AKAP19: variants seen among roughly 807,000 people sequenced by gnomAD.
The protein encoded by AKAP19 is A-kinase anchoring protein 19, also known as small A-kinase anchoring protein.
At chr2:190,196,612 A>G in the AKAP19 span, among the ~76,000 whole-genome samples, 1 of 151,810 alleles carries the variant, frequency 6.6e-6, no homozygotes, top group African/African-American at 2.4e-5. Context: ...GGCATTGTGA[A>G]TAATACCTTG....
chr2:190,009,801 T>C, the AKAP19 span, among the ~76,000 whole-genome samples: 1 of 151,922 alleles, frequency 6.6e-6, no homozygotes, highest in South Asian at 2.1e-4. Context: ...AGACCAACTC[T>C]TAGGATACAC....
the AKAP19 span, among the ~76,000 whole-genome samples, chr2:189,909,601 C>T: frequency 6.6e-6 from 1 of 151,974 alleles, no homozygotes; most frequent in Non-Finnish European, 1.5e-5. Flanking sequence ...AAGCTGATAA[C>T]TTTCATTGCA....
At chr2:189,995,908 G>T in the AKAP19 span, among the ~76,000 whole-genome samples, 6 of 152,080 alleles carry the variant, frequency 3.9e-5, no homozygotes, top group Non-Finnish European at 8.8e-5. Context: ...TGTTTGAGAA[G>T]GCTAAGGATA....
the AKAP19 span, among the ~76,000 whole-genome samples, chr2:189,912,584 C>T: frequency 6.6e-6 from 1 of 152,090 alleles, no homozygotes; most frequent in Non-Finnish European, 1.5e-5. Flanking sequence ...GACAAATGGT[C>T]ACATATAGTA....
chr2:189,992,187 A>G, the AKAP19 span, among the ~76,000 whole-genome samples: 1 of 150,922 alleles, frequency 6.6e-6, no homozygotes, highest in African/African-American at 2.4e-5. Context: ...TCCCGAGTAG[A>G]TGGGATTACA....
the AKAP19 span, among the ~76,000 whole-genome samples, chr2:189,958,857 C>T: frequency 7.2e-5 from 11 of 152,084 alleles, no homozygotes; most frequent in East Asian, 2.1e-3. Flanking sequence ...TAAATGAATA[C>T]TTAAAGCATT....
the AKAP19 span, chr2:190,200,428 A>G: frequency 3.4e-6 from 1 of 298,496 alleles, no homozygotes; most frequent in Non-Finnish European, 6.7e-6. Flanking sequence ...CTTCCTAAGT[A>G]ATGGCATCAC....
At chr2:189,947,909 A>G in the AKAP19 span, among the ~76,000 whole-genome samples, 4 of 152,146 alleles carry the variant, frequency 2.6e-5, no homozygotes, top group African/African-American at 4.8e-5. Context: ...TTTTTGTTAC[A>G]TGGAAATTTG....
At chr2:189,979,017 A>G in the AKAP19 span, among the ~76,000 whole-genome samples, 1 of 152,120 alleles carries the variant, frequency 6.6e-6, no homozygotes, top group Admixed American at 6.6e-5. Context: ...AAAGCAATCT[A>G]TAGATTCAAT....
chr2:190,156,935 T>A, the AKAP19 span, among the ~76,000 whole-genome samples: 1 of 152,154 alleles, frequency 6.6e-6, no homozygotes, highest in Non-Finnish European at 1.5e-5. Flanking sequence ...CATACACACA[T>A]TTATGTTTAT....
At chr2:190,002,630 T>C in the AKAP19 span, among the ~76,000 whole-genome samples, 1 of 152,226 alleles carries the variant, frequency 6.6e-6, no homozygotes, top group South Asian at 2.1e-4. Flanking sequence ...TTCCTTCTTA[T>C]TGAACTCCTT....
the AKAP19 span, among the ~76,000 whole-genome samples, chr2:190,108,407 C>G: frequency 2.0e-5 from 3 of 152,212 alleles, no homozygotes; most frequent in Non-Finnish European, 4.4e-5. Context: ...CTGCCCGCCT[C>G]AGCCTCCCAA....
the AKAP19 span, among the ~76,000 whole-genome samples, chr2:190,101,887 G>A: frequency 2.0e-5 from 3 of 151,972 alleles, no homozygotes; most frequent in Admixed American, 6.6e-5. Context: ...ATCAACCACA[G>A]AATATATATA....
the AKAP19 span, among the ~76,000 whole-genome samples, chr2:190,194,469 C>CCTGTGTA: frequency 7.3e-6 from 1 of 137,156 alleles, no homozygotes; most frequent in African/African-American, 3.0e-5. Flanking sequence ...TCCCACGTAT[C>CCTGTGTA]CTGTGTATAC....
At chr2:189,942,868 G>A in the AKAP19 span, among the ~76,000 whole-genome samples, 2 of 152,162 alleles carry the variant, frequency 1.3e-5, no homozygotes, top group African/African-American at 4.8e-5. Context: ...AGCAGCAAAA[G>A]GTTCAAGATG....
chr2:190,199,095 C>G, the AKAP19 span, among the ~76,000 whole-genome samples: 7 of 152,054 alleles, frequency 4.6e-5, no homozygotes, highest in Non-Finnish European at 1.0e-4. Flanking sequence ...AATATGTGAC[C>G]AGGGGATAAA....
chr2:190,065,212 C>G, the AKAP19 span, among the ~76,000 whole-genome samples: 1 of 152,030 alleles, frequency 6.6e-6, no homozygotes, highest in South Asian at 2.1e-4. Flanking sequence ...ATAGTGCTGA[C>G]GTGCTGCGTG....
chr2:190,183,447 T>C, the AKAP19 span, among the ~76,000 whole-genome samples: 135 of 152,262 alleles, frequency 8.9e-4, 2 homozygotes, highest in East Asian at 0.021. Context: ...CAAAAGTAAA[T>C]AACATTAGTT....
At chr2:189,905,737 C>T in the AKAP19 span, among the ~76,000 whole-genome samples, 1 of 151,958 alleles carries the variant, frequency 6.6e-6, no homozygotes, top group African/African-American at 2.4e-5. Flanking sequence ...CAAAAGAAAG[C>T]TTGGGAATTT....
Sources: allele counts gnomAD v4.1 joint callset (sites outside exome capture counted in the v4.1 genomes callset), GRCh38; gene constraint gnomAD v4.1.1; transcripts MANE v1.5; gene names NCBI Gene and HGNC (gene_info 2026-07-23, HGNC 2026-07-21).